TSNARE1: variants seen among roughly 807,000 people sequenced by gnomAD.
TSNARE1 encodes t-SNARE domain-containing protein 1.
TSNARE1 carries 49 observed loss-of-function variants against 62.0 expected under a neutral mutation model. The observed-to-expected ratio is 0.79, with a 90% CI of 0.63 to 1.00. TSNARE1 has a LOEUF of 1.00. Among genes scored for constraint, TSNARE1 ranks in the 50% least tolerant of loss-of-function variants. The pLI, the probability that TSNARE1 is intolerant of heterozygous loss-of-function variation, is 0.00. For missense variants in TSNARE1, 755 were observed against 700.1 expected (o/e 1.08, Z -0.88); for synonymous variants, 328 against 294.4 (o/e 1.11, Z -1.17).
intron 13 of TSNARE1, among the ~76,000 whole-genome samples, chr8:142,217,335 GAA>G (rs757909616): frequency 2.6e-5 from 2 of 77,204 alleles, no homozygotes; most frequent in African/African-American, 9.4e-5. Context: ...AAGAAAGAAA[GAA>G]AGAAAGAAAG....
At chr8:142,275,970 G>A in intron 11 of TSNARE1, 1 of 985,428 alleles carries the variant, frequency 1.0e-6, no homozygotes, top group Non-Finnish European at 1.2e-6. Context: ...CAAGCCCCCT[G>A]GGCAGGAGGT....
chr8:142,336,066 T>C (rs891217853), intron 4 of TSNARE1, among the ~76,000 whole-genome samples: 3 of 152,140 alleles, frequency 2.0e-5, no homozygotes, highest in Non-Finnish European at 4.4e-5. Context: ...GAGGATCACT[T>C]GAGCCTAGAA....
At chr8:142,355,037 C>T (rs568580371) in intron 1 of TSNARE1, among the ~76,000 whole-genome samples, 5 of 152,316 alleles carry the variant, frequency 3.3e-5, no homozygotes, top group African/African-American at 1.2e-4. Context: ...AAGAGGGACC[C>T]CCAGCAAGGT....
At chr8:142,345,202 C>A (rs1586932403) in intron 3 of TSNARE1, among the ~76,000 whole-genome samples, 1 of 152,256 alleles carries the variant, frequency 6.6e-6, no homozygotes, top group Non-Finnish European at 1.5e-5. Context: ...AAGGCAGGGA[C>A]AGTGCCCGAC....
chr8:142,294,164 G>T (rs901502435), intron 10 of TSNARE1, among the ~76,000 whole-genome samples: 2 of 152,124 alleles, frequency 1.3e-5, no homozygotes, highest in African/African-American at 4.8e-5. Context: ...TGGCCAGAGG[G>T]AAGGTGGAGG....
At chr8:142,406,007 C>A (rs1269543331), upstream of TSNARE1, 2 of 152,276 alleles carry the variant, frequency 1.3e-5, no homozygotes, top group Non-Finnish European at 2.9e-5. Flanking sequence ...ACTGTTTGCC[C>A]AGGGGATGAC....
chr8:142,342,004 G>A (rs1832651394), intron 4 of TSNARE1, among the ~76,000 whole-genome samples: 2 of 152,336 alleles, frequency 1.3e-5, no homozygotes, highest in East Asian at 1.9e-4. Flanking sequence ...TACAATAGGG[G>A]CTGACCCCAC....
intron 10 of TSNARE1, among the ~76,000 whole-genome samples, chr8:142,295,246 G>A (rs925773280): frequency 2.0e-5 from 3 of 152,236 alleles, no homozygotes; most frequent in African/African-American, 4.8e-5. Flanking sequence ...GGCAGCCCCA[G>A]GTGAAAAGTT....
In TSNARE1 at chr8:142,354,631, C is replaced by CT. The variant is rs1229013086; in HGVS notation, c.88+5_88+6insA. 2 of 1,607,374 alleles carry CT rather than the reference C, an allele frequency of 1.2e-6. No homozygotes were observed. The highest frequency in any genetic ancestry group is 3.4e-5 in the Admixed American group (2 of 59,616). ...CCCCGCCCCCACTTCCAGCTACTAT[C>CT]ATTACCTAGGGGCTGACAGCCTTGT... On this transcript the variant is annotated splice_donor_region_variant and intron_variant, in intron 2 of 13. Coordinates refer to ENST00000524325, the MANE Select transcript of TSNARE1 (RefSeq NM_145003.5).
In TSNARE1 at chr8:142,344,152, T is replaced by G. The variant is rs372609546; in HGVS notation, c.559A>C (p.Lys187Gln). The G allele has an allele frequency of 1.2e-6, 2 of 1,613,030 alleles. No individual in the cohort carries two copies. The highest frequency in any genetic ancestry group is 1.7e-6 in the Non-Finnish European group (2 of 1,179,834). ...ACGACGGCTCGTAGGTCCCGCCACT[T>G]GTGCTTCAGGTCCACAACGTCGCGG... is the stretch of plus-strand genomic sequence containing the variant. ...CRRDVVDLKH[K>Q]WRDLRAVVRR... The change falls in exon 4 of 14, where the codon AAG becomes CAG. Residue 187 changes from lysine (K) to glutamine (Q), a missense_variant. Coordinates refer to ENST00000524325, the MANE Select transcript of TSNARE1 (RefSeq NM_145003.5).
At chr8:142,308,806 C>A (rs1827113856) in intron 9 of TSNARE1, among the ~76,000 whole-genome samples, 1 of 152,142 alleles carries the variant, frequency 6.6e-6, no homozygotes, top group South Asian at 2.1e-4. Context: ...ACACTGAAAA[C>A]CTGCTGGAAC....
At chr8:142,384,342 A>G (rs1836970016) in intron 1 of TSNARE1, among the ~76,000 whole-genome samples, 1 of 152,192 alleles carries the variant, frequency 6.6e-6, no homozygotes, top group African/African-American at 2.4e-5. Flanking sequence ...AAAAACTAAC[A>G]CATTCTAAAA....
Position 142,354,681 on chromosome 8 carries a change from C to A in TSNARE1, c.44G>T (p.Arg15Leu), listed in dbSNP as rs200387345. Residue 15 changes from arginine (R) to leucine (L), a missense_variant, in exon 2 of 14, where the codon CGT becomes CTT. Transcript: ENST00000524325. ...SIARGGGLGSRGPFGGPSRQG... is the reference protein window; with the variant it reads ...SIARGGGLGSLGPFGGPSRQG... ...TCTCGAAGGTCCCCCGAAAGGGCCA[C>A]GGCTCCCCAGGCCACCTCCACGGGC... 6.2e-7 allele frequency: 1 copy of A among 1,613,572 alleles called. No individual in the cohort carries two copies. The highest frequency in any genetic ancestry group is 2.2e-5 in the East Asian group (1 of 44,864).
At chr8:142,217,980 G>T (rs867712294) in intron 13 of TSNARE1, among the ~76,000 whole-genome samples, 1 of 109,940 alleles carries the variant, frequency 9.1e-6, no homozygotes, top group African/African-American at 4.0e-5. Flanking sequence ...CCAGGATCAG[G>T]GCTCAGAGTA....
At chr8:142,264,766 C>T (rs72687343) in intron 12 of TSNARE1, among the ~76,000 whole-genome samples, 21,176 of 152,192 alleles carry the variant, frequency 0.14, 1,829 homozygotes, top group South Asian at 0.22. Flanking sequence ...CACACCTTTC[C>T]TTCCAATGCC....
chr8:142,370,009 T>C (rs1835813693), intron 1 of TSNARE1, among the ~76,000 whole-genome samples: 1 of 152,070 alleles, frequency 6.6e-6, no homozygotes, highest in Admixed American at 6.5e-5. Context: ...GGTAATGAGA[T>C]CATGGAGGTG....
intron 4 of TSNARE1, among the ~76,000 whole-genome samples, chr8:142,339,684 G>A (rs935372581): frequency 3.9e-5 from 6 of 152,250 alleles, no homozygotes; most frequent in Admixed American, 2.6e-4. Flanking sequence ...TGAGGCAGTC[G>A]GGGAAGCATA....
At chr8:142,345,600 A>G in intron 3 of TSNARE1, 143 bp downstream of exon 3, 1 of 996,184 alleles carries the variant, frequency 1.0e-6, no homozygotes, top group Non-Finnish European at 1.4e-6. Context: ...AAGGCCTGGC[A>G]GGGGGCAGGG....
intron 12 of TSNARE1, among the ~76,000 whole-genome samples, chr8:142,258,707 G>T (rs1818714164): frequency 1.3e-5 from 2 of 152,018 alleles, no homozygotes; most frequent in African/African-American, 4.8e-5. Context: ...TTTTAGTAGA[G>T]ACAGAGTTTT....
Sources: gnomAD v4.1 joint callset for allele counts (sites outside exome capture counted in the v4.1 genomes callset) on GRCh38, gnomAD v4.1.1 for gene constraint, MANE v1.5 for transcripts, NCBI Gene and HGNC (gene_info 2026-07-23, HGNC 2026-07-21) for gene names.